Variants in NLRC5 observed in about 807,000 individuals in gnomAD.
NLRC5 encodes NLR family CARD domain containing 5.
A neutral mutation model predicts 206.9 loss-of-function variants in NLRC5; 114 were observed. The observed-to-expected ratio is 0.55, with a 90% CI of 0.47 to 0.64. The LOEUF is 0.64. NLRC5 is among the 30% of genes least tolerant of loss of function. The pLI, the probability that NLRC5 is intolerant of heterozygous loss-of-function variation, is 0.00. For synonymous variants in NLRC5, 952 were observed against 962.8 expected (o/e 0.99, Z 0.21); for missense variants, 2,008 against 2,305.5 (o/e 0.87, Z 2.64).
chr16:57,070,376 G>A (rs1370179983), intron 37 of NLRC5, among the ~76,000 whole-genome samples, 159 bp from the exon 38 acceptor site: 1 of 152,126 alleles, frequency 6.6e-6, no homozygotes, highest in Non-Finnish European at 1.5e-5. Flanking sequence ...TGGAGCTAGG[G>A]ATACCCATGG....
At chr16:57,016,157 G>C (rs1416924436) in intron 1 of NLRC5, among the ~76,000 whole-genome samples, 2 of 152,084 alleles carry the variant, frequency 1.3e-5, no homozygotes, top group Non-Finnish European at 2.9e-5. Context: ...GGAGGTTGCA[G>C]TGAGCTGAGA....
In NLRC5 at chr16:57,025,503, C is replaced by A. The variant is rs778963589; in HGVS notation, c.560C>A (p.Ser187Tyr). ...CCAATCCTGCGCCGGGCCACAGCATCCTTAGACACTCCGGAGGGGGCCATT... is the reference window on the plus strand; with the variant it reads ...CCAATCCTGCGCCGGGCCACAGCATACTTAGACACTCCGGAGGGGGCCATT... ...VPPILRRATA[S>Y]LDTPEGAIMG... The change falls in exon 6 of 49, where the codon TCC (serine) becomes TAC (tyrosine). Residue 187 changes from serine (S) to tyrosine (Y), a missense_variant. Coordinates refer to ENST00000688547, the MANE Select transcript of NLRC5 (RefSeq NM_001384950.1). 2 of 1,613,660 alleles carry A rather than the reference C, an allele frequency of 1.2e-6. No individual in the cohort carries two copies. Among genetic ancestry groups the A allele is most frequent in the South Asian group, 2.2e-5 (2 of 90,996 alleles).
At chr16:57,065,505 A>G (rs1222292700) in intron 33 of NLRC5, among the ~76,000 whole-genome samples, 1 of 152,200 alleles carries the variant, frequency 6.6e-6, no homozygotes, top group Non-Finnish European at 1.5e-5. Context: ...GTGTCAGAGG[A>G]AGACATCCCC....
intron 27 of NLRC5, 96 bp from the exon 28 acceptor site, chr16:57,057,969 T>C (rs2065910625): frequency 1.1e-6 from 1 of 946,602 alleles, no homozygotes; most frequent in Non-Finnish European, 1.7e-6. Context: ...TGGGGTCCAG[T>C]AGCAGTGACA....
Position 57,078,012 on chromosome 16 carries a change from G to T in NLRC5, c.5073G>T (p.Arg1691Ser), listed in dbSNP as rs752220305. 1 of 1,599,082 alleles carries T rather than the reference G, an allele frequency of 6.3e-7. No homozygotes were observed. Among genetic ancestry groups the T allele is most frequent in the African/African-American group, 1.3e-5 (1 of 74,784 alleles). ...GLAQELPQHL[R>S]VLHLPFSHLG... The stretch of plus-strand genomic sequence containing the variant: ...CTCAGGAGCTGCCCCAGCACCTGAG[G>T]GTCCTACAGTGAGTGGCCCCCTGCC... Residue 1691 changes from arginine to serine, a missense_variant, in exon 43 of 49, where the codon AGG becomes AGT. Transcript: ENST00000688547.
At chr16:57,012,602 CA>C (rs1413085096) in intron 1 of NLRC5, among the ~76,000 whole-genome samples, 1 of 152,230 alleles carries the variant, frequency 6.6e-6, no homozygotes, top group East Asian at 1.9e-4. Flanking sequence ...GTGAAATGCG[CA>C]TGTGAGGGAT....
intron 13 of NLRC5, 142 bp from the exon 14 acceptor site, chr16:57,035,958 T>C (rs2062512526): frequency 1.4e-6 from 1 of 725,098 alleles, no homozygotes; most frequent in Non-Finnish European, 2.4e-6. Flanking sequence ...GCATGTGGTA[T>C]GGAGTCTGTC....
intron 32 of NLRC5, chr16:57,062,691 C>T (rs2066662029): frequency 1.3e-5 from 2 of 152,710 alleles, no homozygotes; most frequent in African/African-American, 4.8e-5. Context: ...GTGCACTTCT[C>T]ATTGCAGCCT....
intron 23 of NLRC5, chr16:57,047,971 C>T (rs561745564): frequency 2.1e-4 from 60 of 291,264 alleles, no homozygotes; most frequent in African/African-American, 9.3e-4. Flanking sequence ...ATGGCTGGAG[C>T]GTAGCACTTC....
rs1461986137 is a variant in NLRC5, at chr16:57,065,254, G to T, written c.4197G>T (p.Leu1399=). ...CGGACAGAGCCAGGGTTCTCTCCCT[G>T]TTAGAAGTCTGCGCCCAGGCCTCAG... ...PWADRARVLS[L]LEVCAQASGS... Residue 1399 remains leucine (L), a synonymous_variant, in exon 33 of 49, where the codon CTG becomes CTT. Transcript: ENST00000688547. 3 of 1,587,638 alleles carry T rather than the reference G, an allele frequency of 1.9e-6. No individual in the cohort carries two copies. Among genetic ancestry groups the T allele is most frequent in the Non-Finnish European group, 2.6e-6 (3 of 1,164,862 alleles).
chr16:57,058,441 C>T (rs1387787246), intron 28 of NLRC5: 8 of 444,174 alleles, frequency 1.8e-5, no homozygotes, highest in Admixed American at 7.7e-5. Context: ...AAGCAACATT[C>T]CATCCCCAAC....
intron 1 of NLRC5, chr16:57,013,614 T>G (rs1180481040): frequency 1.9e-6 from 2 of 1,067,308 alleles, no homozygotes; most frequent in Non-Finnish European, 2.9e-6. Flanking sequence ...AGCAAGGTCA[T>G]TAACTGGGCC....
Position 57,023,861 on chromosome 16 carries a change from C to A in NLRC5, c.424+8C>A, listed in dbSNP as rs760310125. The A allele has an allele frequency of 6.2e-7, 1 of 1,606,036 alleles. No individual in the cohort carries two copies. The highest frequency in any genetic ancestry group is 8.5e-7 in the Non-Finnish European group (1 of 1,175,816). ...GCAAGAAGCAGCAGCTAGGTGGGTACCAGTGTGGGGAGGAACATAAACAGA... is the reference window on the plus strand; with the variant it reads ...GCAAGAAGCAGCAGCTAGGTGGGTAACAGTGTGGGGAGGAACATAAACAGA... On this transcript the variant is annotated splice_region_variant and intron_variant, in intron 5 of 48. Transcript: ENST00000688547.
intron 18 of NLRC5, 29 bp from the exon 19 acceptor site, chr16:57,041,953 G>T: frequency 3.3e-6 from 5 of 1,508,178 alleles, no homozygotes; most frequent in Non-Finnish European, 4.5e-6. Flanking sequence ...ACCTGCTAAT[G>T]TTCTCCCCTC....
At chr16:57,076,016 C>G (rs7203263) in intron 39 of NLRC5, 28,069 of 186,236 alleles carry the variant, frequency 0.15, 2,513 homozygotes, top group African/African-American at 0.25. Context: ...TGGGTTCAAG[C>G]GATTCTGGTG....
At chr16:57,070,032 TC>T in intron 37 of NLRC5, 113 bp downstream of exon 37, 1 of 805,322 alleles carries the variant, frequency 1.2e-6, no homozygotes. Context: ...CAATGACCCT[TC>T]CCCTGATGAA....
In NLRC5 at chr16:57,025,581, T is replaced by A; in HGVS notation, c.638T>A (p.Phe213Tyr). The change falls in exon 6 of 49, where the codon TTC becomes TAC. Residue 213 changes from phenylalanine to tyrosine, a missense_variant. Coordinates refer to ENST00000688547, the MANE Select transcript of NLRC5 (RefSeq NM_001384950.1). ...DGADVSISDL[F>Y]NTRVNKGPRV... ...GCTGACGTGAGCATCTCGGACCTCT[T>A]CAACACCAGGGTTAACAAGGGCCCG... The A allele has an allele frequency of 6.2e-7, 1 of 1,614,090 alleles. No individual in the cohort carries two copies. Among genetic ancestry groups the A allele is most frequent in the Non-Finnish European group, 8.5e-7 (1 of 1,180,012 alleles).
At chr16:57,002,153 T>C (rs868442152) in intron 1 of NLRC5, among the ~76,000 whole-genome samples, 1 of 152,324 alleles carries the variant, frequency 6.6e-6, no homozygotes, top group South Asian at 2.1e-4. Context: ...TCTTTTATTC[T>C]TTTCTTTCTT....
intron 2 of NLRC5, among the ~76,000 whole-genome samples, chr16:57,019,405 A>AT (rs1409072006): frequency 6.6e-6 from 1 of 152,168 alleles, no homozygotes; most frequent in East Asian, 1.9e-4. Context: ...TCAAAAAAAA[A>AT]AGAGTTCCAG....
Sources: allele counts gnomAD v4.1 joint callset (sites outside exome capture counted in the v4.1 genomes callset), GRCh38; gene constraint gnomAD v4.1.1; transcripts MANE v1.5; gene names NCBI Gene and HGNC (gene_info 2026-07-23, HGNC 2026-07-21).